The following RAPGEF5 variants were observed in gnomAD, a reference collection of about 807,000 sequenced individuals.
RAPGEF5 encodes Rap guanine nucleotide exchange factor 5, also known as M-Ras-regulated GEF.
A neutral mutation model predicts 125.2 loss-of-function variants in RAPGEF5; 65 were observed. The observed-to-expected ratio is 0.52, with a 90% CI of 0.43 to 0.64. The LOEUF (loss-of-function observed/expected upper bound fraction) is 0.64, where lower values mean the gene tolerates loss of function less well. RAPGEF5 is among the 30% of genes least tolerant of loss of function. The probability of loss-of-function intolerance (pLI) is 0.00; values close to 1 mark genes in which losing one functional copy is unlikely to be tolerated. For synonymous variants in RAPGEF5, 391 were observed against 385.9 expected, an observed-to-expected ratio of 1.01 and a Z score of -0.16; for missense variants, 958 against 1,048.1, an observed-to-expected ratio of 0.91 and a Z score of 1.19.
At chr7:22,183,161 C>T (rs1011568195) in intron 11 of RAPGEF5, among the ~76,000 whole-genome samples, 2 of 147,660 alleles carry the variant, frequency 1.4e-5, no homozygotes, top group Admixed American at 6.9e-5. Context: ...CCCAGCTACT[C>T]GAGAGGCTGA....
intron 11 of RAPGEF5, chr7:22,192,838 G>A (rs1296865508): frequency 6.3e-6 from 1 of 158,286 alleles, no homozygotes; most frequent in Non-Finnish European, 1.4e-5. Flanking sequence ...GAAAAGCTGT[G>A]AGTATCATAG....
intron 6 of RAPGEF5, among the ~76,000 whole-genome samples, chr7:22,272,059 T>C (rs964324691): frequency 6.6e-5 from 10 of 151,760 alleles, no homozygotes; most frequent in African/African-American, 2.4e-4. Flanking sequence ...TCAAGGAAAG[T>C]TGGGCCGGGC....
intron 8 of RAPGEF5, among the ~76,000 whole-genome samples, chr7:22,223,581 T>C (rs1247324349): frequency 6.6e-6 from 1 of 152,104 alleles, no homozygotes; most frequent in Non-Finnish European, 1.5e-5. Flanking sequence ...ACAGCAAAAT[T>C]TGATGATGCA....
Position 22,230,922 on chromosome 7 carries a change from TAAA to T in RAPGEF5, c.797-6_797-4del. The stretch of plus-strand genomic sequence containing the variant: ...GTTTTCTTCATCTTGTTCAATTGCT[TAAA>T]AAAAAGAACACCATTAAACAAATGT... On this transcript the variant is annotated splice_polypyrimidine_tract_variant and splice_region_variant and intron_variant, in intron 7 of 25. Coordinates refer to ENST00000665637, the MANE Select transcript of RAPGEF5 (RefSeq NM_012294.5). The T allele has an allele frequency of 6.4e-7, 1 of 1,554,878 alleles. No homozygotes were observed. Among genetic ancestry groups the T allele is most frequent in the South Asian group, 1.2e-5 (1 of 84,380 alleles).
chr7:22,186,736 G>A (rs1784836703), intron 11 of RAPGEF5, among the ~76,000 whole-genome samples: 2 of 152,140 alleles, frequency 1.3e-5, no homozygotes, highest in Non-Finnish European at 2.9e-5. Flanking sequence ...ATTTTTTATA[G>A]AAGCAGTGTA....
chr7:22,342,666 T>C (rs974967656), intron 1 of RAPGEF5, among the ~76,000 whole-genome samples: 1 of 152,162 alleles, frequency 6.6e-6, no homozygotes, highest in African/African-American at 2.4e-5. Flanking sequence ...CCCTAAATCA[T>C]CTCTCTCAAG....
intron 7 of RAPGEF5, among the ~76,000 whole-genome samples, chr7:22,242,425 G>A (rs1786354210): frequency 1.3e-5 from 2 of 152,156 alleles, no homozygotes; most frequent in Admixed American, 1.3e-4. Context: ...TGGCAGGGAG[G>A]CCATAGGGTT....
At chr7:22,318,597 C>A (rs570242160) in intron 1 of RAPGEF5, among the ~76,000 whole-genome samples, 1 of 152,304 alleles carries the variant, frequency 6.6e-6, no homozygotes, top group East Asian at 1.9e-4. Flanking sequence ...TATTCTCTTT[C>A]CAACTCCCAG....
intron 2 of RAPGEF5, 104 bp from the exon 3 acceptor site, chr7:22,315,580 C>T (rs1783572786): frequency 3.2e-6 from 2 of 630,532 alleles, no homozygotes; most frequent in African/African-American, 2.0e-5. Context: ...TATATATATT[C>T]ATATATTTAT....
chr7:22,194,081 G>A, intron 9 of RAPGEF5, 48 bp from the exon 10 acceptor site: 1 of 1,517,792 alleles, frequency 6.6e-7, no homozygotes, highest in Non-Finnish European at 9.0e-7. Context: ...AAAAGAGAGA[G>A]AAAATTAAAA....
intron 6 of RAPGEF5, among the ~76,000 whole-genome samples, chr7:22,288,697 T>C (rs1056975249): frequency 2.0e-5 from 3 of 152,120 alleles, no homozygotes; most frequent in Non-Finnish European, 4.4e-5. Flanking sequence ...TAATTTTTTG[T>C]ATTTTTAGTA....
At chr7:22,303,373 G>A (rs1011715507) in intron 5 of RAPGEF5, among the ~76,000 whole-genome samples, 7 of 151,766 alleles carry the variant, frequency 4.6e-5, no homozygotes, top group Non-Finnish European at 1.0e-4. Context: ...AAGTTATTTT[G>A]TATAAAATTC....
chr7:22,303,027 C>T (rs1033159563), intron 5 of RAPGEF5, among the ~76,000 whole-genome samples: 1 of 152,176 alleles, frequency 6.6e-6, no homozygotes, highest in Non-Finnish European at 1.5e-5. Flanking sequence ...CCACCCCTGG[C>T]AAGCTGGGAG....
intron 6 of RAPGEF5, among the ~76,000 whole-genome samples, chr7:22,277,569 G>A (rs1782584597): frequency 6.6e-6 from 1 of 152,194 alleles, no homozygotes; most frequent in Admixed American, 6.5e-5. Context: ...CTAACTGGAA[G>A]CTCTAGGGGA....
chr7:22,224,547 C>T (rs1191632060), intron 8 of RAPGEF5, among the ~76,000 whole-genome samples: 1 of 152,082 alleles, frequency 6.6e-6, no homozygotes, highest in Non-Finnish European at 1.5e-5. Context: ...AACCTGGAAA[C>T]CTGTTCTGTG....
intron 1 of RAPGEF5, among the ~76,000 whole-genome samples, chr7:22,345,468 G>C (rs973134451): frequency 1.3e-5 from 2 of 152,178 alleles, no homozygotes; most frequent in Admixed American, 6.5e-5. Flanking sequence ...GTGATTCACA[G>C]ACGGTGAGGC....
At chr7:22,259,015 A>G (rs1782080184) in intron 7 of RAPGEF5, among the ~76,000 whole-genome samples, 1 of 152,224 alleles carries the variant, frequency 6.6e-6, no homozygotes, top group Non-Finnish European at 1.5e-5. Context: ...TTGATAAGCT[A>G]GACTTCATTA....
chr7:22,269,018 C>T (rs1782352798), intron 6 of RAPGEF5, among the ~76,000 whole-genome samples: 1 of 152,016 alleles, frequency 6.6e-6, no homozygotes. Context: ...CACAGTTCAA[C>T]TTAGAACCTA....
intron 7 of RAPGEF5, among the ~76,000 whole-genome samples, chr7:22,243,637 T>C (rs1786397957): frequency 6.6e-6 from 1 of 152,188 alleles, no homozygotes; most frequent in Non-Finnish European, 1.5e-5. Flanking sequence ...ATAAGAGTTG[T>C]ATATATTTAT....
Sources: gnomAD v4.1 joint callset for allele counts (sites outside exome capture counted in the v4.1 genomes callset) on GRCh38, gnomAD v4.1.1 for gene constraint, MANE v1.5 for transcripts, NCBI Gene and HGNC (gene_info 2026-07-23, HGNC 2026-07-21) for gene names.